SYT16: variants seen among roughly 807,000 people sequenced by gnomAD.
The protein encoded by SYT16 is synaptotagmin 16, also known as synaptotagmin-16.
SYT16 carries 42 observed loss-of-function variants against 61.4 expected under a neutral mutation model. The observed-to-expected ratio is 0.68, with a 90% confidence interval of 0.53 to 0.89. SYT16 has a LOEUF of 0.89. SYT16 is among the 40% of genes least tolerant of loss of function. SYT16 has a pLI of 0.00. For synonymous variants in SYT16, 314 were observed against 302.3 expected (o/e 1.04, Z -0.40); for missense variants, 804 against 807.3 (o/e 1.00, Z 0.05).
At chr14:61,855,804 C>A (rs1279181652) in intron 1 of SYT16, among the ~76,000 whole-genome samples, 1 of 152,198 alleles carries the variant, frequency 6.6e-6, no homozygotes, top group South Asian at 2.1e-4. Context: ...AGTTTTTCTA[C>A]TTCTTCATGA....
rs551291907 is a variant in SYT16 at position 61,937,376 on chromosome 14, C to A, written c.-324-32756C>A. On this transcript the variant is annotated intron_variant, in intron 1 of 7. Coordinates refer to ENST00000683842, the MANE Select transcript of SYT16 (RefSeq NM_001367656.1). ...CTTTGCCCTGGGGGAAGACTAACTT[C>A]CTTACTTTGCCAATTATGAGGGGAA... Among the ~76,000 whole-genome samples, 89 of 152,314 alleles carry A rather than the reference C, an allele frequency of 5.8e-4. 1 individual carries two copies. Among genetic ancestry groups the A allele is most frequent in the Non-Finnish European group, 1.1e-3 (77 of 68,030 alleles).
intron 1 of SYT16, among the ~76,000 whole-genome samples, chr14:61,852,058 A>G (rs553937123): frequency 3.3e-5 from 5 of 152,132 alleles, no homozygotes; most frequent in African/African-American, 9.7e-5. Flanking sequence ...TGGGTTTTAC[A>G]TTTAAGTCTT....
intron 7 of SYT16, among the ~76,000 whole-genome samples, chr14:62,093,201 A>T (rs2057152361): frequency 6.6e-6 from 1 of 152,234 alleles, no homozygotes; most frequent in Middle Eastern, 3.4e-3. Context: ...GATTAATTTT[A>T]GACATTAAAC....
At chr14:62,075,983 G>C (rs1954486) in intron 5 of SYT16, among the ~76,000 whole-genome samples, 62,874 of 151,936 alleles carry the variant, frequency 0.41, 13,216 homozygotes, top group Middle Eastern at 0.47. Context: ...ATTGACATTG[G>C]TTTTGTAGTA....
chr14:62,011,924 C>CATAT lies in SYT16; in HGVS notation c.523+15383_523+15384insTATA, dbSNP rs71449575. 6.9e-5 allele frequency among the ~76,000 whole-genome samples: 6 copies of CATAT among 86,982 alleles called. 1 individual carries two copies. Among genetic ancestry groups the CATAT allele is most frequent in the Admixed American group, 1.3e-4 (1 of 7,786 alleles). The allele number at this position is 86,982 out of a possible 152,430, so 57.1% of individuals were successfully genotyped here. A position where few individuals can be genotyped will look rare whatever the true frequency, so the allele number is the denominator to read the frequency against. On this transcript the variant is annotated intron_variant, in intron 3 of 7. Coordinates refer to ENST00000683842, the MANE Select transcript of SYT16 (RefSeq NM_001367656.1). ...ACACACATATATATACACACACACA[C>CATAT]ACATATATATATATATATTTGATGC... is the stretch of plus-strand genomic sequence containing the variant.
At chr14:61,937,204 A>G (rs1041804177) in intron 1 of SYT16, among the ~76,000 whole-genome samples, 1 of 152,244 alleles carries the variant, frequency 6.6e-6, no homozygotes, top group South Asian at 2.1e-4. Context: ...GCAGTAGTTC[A>G]TCATGATTTT....
intron 3 of SYT16, among the ~76,000 whole-genome samples, chr14:62,020,511 T>C (rs1315824344): frequency 6.6e-6 from 1 of 152,180 alleles, no homozygotes; most frequent in East Asian, 1.9e-4. Flanking sequence ...TTTGGAGGGT[T>C]CAGTTGCAAA....
At chr14:61,957,185 G>A (rs2050911946) in intron 1 of SYT16, among the ~76,000 whole-genome samples, 1 of 143,940 alleles carries the variant, frequency 6.9e-6, no homozygotes, top group Non-Finnish European at 1.5e-5. Flanking sequence ...TCACTGATTA[G>A]TTCTAACAGT....
chr14:62,089,730 G>A (rs1171020256), intron 7 of SYT16, among the ~76,000 whole-genome samples: 2 of 152,160 alleles, frequency 1.3e-5, no homozygotes, highest in Admixed American at 1.3e-4. Context: ...AACTATTGTT[G>A]CTATTAAGAT....
chr14:61,843,396 CT>C (rs1189521499), intron 1 of SYT16, among the ~76,000 whole-genome samples: 3 of 152,120 alleles, frequency 2.0e-5, no homozygotes, highest in Non-Finnish European at 2.9e-5. Flanking sequence ...TGTACAGAAG[CT>C]TTTTAACTTG....
At chr14:61,822,891 A>G (rs1355702121) in intron 1 of SYT16, among the ~76,000 whole-genome samples, 2 of 152,220 alleles carry the variant, frequency 1.3e-5, no homozygotes, top group African/African-American at 4.8e-5. Context: ...CTGTTTTTTC[A>G]TGGGAGAAAA....
At chr14:62,085,482 G>C (rs1321885612) in intron 7 of SYT16, among the ~76,000 whole-genome samples, 2 of 152,200 alleles carry the variant, frequency 1.3e-5, no homozygotes, top group Admixed American at 1.3e-4. Context: ...GATGAAATCA[G>C]TATATTTGTG....
intron 3 of SYT16, among the ~76,000 whole-genome samples, chr14:62,005,011 C>T (rs2053165175): frequency 6.6e-6 from 1 of 152,184 alleles, no homozygotes; most frequent in Non-Finnish European, 1.5e-5. Flanking sequence ...CCAGTGAACA[C>T]TGTGTGGGTG....
rs77739369 is a variant in SYT16, at chr14:61,862,676, T to G, written c.-325+49866T>G. Reference sequence around the variant, plus strand: ...AAGGTTCACTCTTGGTGTTGTACATTCTCTGAGTTTGGACAAATGTATAGT... The same window carrying G: ...AAGGTTCACTCTTGGTGTTGTACATGCTCTGAGTTTGGACAAATGTATAGT... On this transcript the variant is annotated intron_variant, in intron 1 of 7. Coordinates refer to ENST00000683842, the MANE Select transcript of SYT16 (RefSeq NM_001367656.1). 1.2e-3 allele frequency among the ~76,000 whole-genome samples: 188 copies of G among 152,336 alleles called. 4 individuals are homozygous for G. In the East Asian group the frequency reaches 0.02, roughly 17 times the overall value.
intron 1 of SYT16, among the ~76,000 whole-genome samples, chr14:61,874,437 T>C (rs1312981344): frequency 6.6e-6 from 1 of 152,166 alleles, no homozygotes; most frequent in Admixed American, 6.5e-5. Context: ...TTTTTTTATA[T>C]GAGGGGGTGA....
At chr14:61,906,810 C>CATCCATCT (rs2048741335) in intron 1 of SYT16, among the ~76,000 whole-genome samples, 1 of 151,970 alleles carries the variant, frequency 6.6e-6, no homozygotes, top group South Asian at 2.1e-4. Context: ...TCCATCCATC[C>CATCCATCT]ATCCATCCAT....
intron 2 of SYT16, among the ~76,000 whole-genome samples, chr14:61,988,753 T>A (rs1384876588): frequency 6.6e-6 from 1 of 152,236 alleles, no homozygotes; most frequent in East Asian, 1.9e-4. Context: ...CAGGCAACTG[T>A]GTTGTACTAG....
intron 2 of SYT16, among the ~76,000 whole-genome samples, chr14:61,976,078 T>C (rs2051781591): frequency 1.3e-5 from 2 of 152,222 alleles, no homozygotes. Flanking sequence ...ACAGGCCCCA[T>C]GCAGGTCCAA....
chr14:61,844,225 T>A (rs2046376482), intron 1 of SYT16, among the ~76,000 whole-genome samples: 1 of 152,180 alleles, frequency 6.6e-6, no homozygotes, highest in Non-Finnish European at 1.5e-5. Context: ...CTGATTTTTG[T>A]ATGTTGATTT....
Sources: gnomAD v4.1 joint callset for allele counts (sites outside exome capture counted in the v4.1 genomes callset) on GRCh38, gnomAD v4.1.1 for gene constraint, MANE v1.5 for transcripts, NCBI Gene and HGNC (gene_info 2026-07-23, HGNC 2026-07-21) for gene names.